The following SLC9A8 variants were observed in gnomAD, a reference collection of about 807,000 sequenced individuals.
SLC9A8 encodes sodium/hydrogen exchanger 8.
Under a neutral mutation model 66.6 loss-of-function variants are expected in SLC9A8, and 48 were observed. The observed-to-expected ratio is 0.72, with a 90% confidence interval of 0.57 to 0.92. The LOEUF is 0.92. Ranked by LOEUF, SLC9A8 falls within the 40% of genes least tolerant of loss-of-function variation. SLC9A8 has a pLI of 0.00. For synonymous variants in SLC9A8, 274 were observed against 282.6 expected, an observed-to-expected ratio of 0.97 and a Z score of 0.31; for missense variants, 599 against 747.3, an observed-to-expected ratio of 0.80 and a Z score of 2.31.
At chr20:49,830,877 C>T in intron 3 of SLC9A8, 1 of 1,336,960 alleles carries the variant, frequency 7.5e-7, no homozygotes, top group Non-Finnish European at 1.1e-6. Flanking sequence ...CTTCCTAGAC[C>T]AGAAGTGCCA....
chr20:49,880,021 G>A (rs576524472), intron 12 of SLC9A8, among the ~76,000 whole-genome samples: 27 of 152,184 alleles, frequency 1.8e-4, no homozygotes, highest in African/African-American at 6.3e-4. Flanking sequence ...AGCACTTTGG[G>A]AGGCAAAGGC....
At chr20:49,870,018 A>T (rs1401366176) in intron 10 of SLC9A8, among the ~76,000 whole-genome samples, 1 of 152,180 alleles carries the variant, frequency 6.6e-6, no homozygotes, top group Non-Finnish European at 1.5e-5. Context: ...GTCCATTTGC[A>T]CTATGGAATC....
intron 3 of SLC9A8, chr20:49,830,195 C>A: frequency 1.3e-6 from 1 of 796,268 alleles, no homozygotes. Context: ...GGGCAGCTGA[C>A]AGCACGGCCG....
chr20:49,838,315 C>T (rs967976457), intron 3 of SLC9A8, among the ~76,000 whole-genome samples: 1 of 152,154 alleles, frequency 6.6e-6, no homozygotes, highest in Non-Finnish European at 1.5e-5. Flanking sequence ...AATGTAATTA[C>T]AACCTGAAAA....
intron 3 of SLC9A8, among the ~76,000 whole-genome samples, chr20:49,837,118 A>G (rs1285739325): frequency 6.6e-6 from 1 of 152,194 alleles, no homozygotes; most frequent in East Asian, 1.9e-4. Context: ...GGAAAGGCTA[A>G]TCAGAAACTC....
chr20:49,832,956 A>G (rs2087271217), intron 3 of SLC9A8, among the ~76,000 whole-genome samples: 1 of 151,120 alleles, frequency 6.6e-6, no homozygotes, highest in Non-Finnish European at 1.5e-5. Flanking sequence ...CCCAGGCTGG[A>G]GTGCAATGGC....
chr20:49,873,771 C>CAA (rs35613935), intron 10 of SLC9A8, among the ~76,000 whole-genome samples: 1,541 of 59,858 alleles, frequency 0.026, 30 homozygotes, highest in Non-Finnish European at 0.033. Flanking sequence ...AACTCCGTCT[C>CAA]AAAAAAAAAA....
chr20:49,878,136 T>C, intron 12 of SLC9A8, 73 bp downstream of exon 12: 3 of 907,752 alleles, frequency 3.3e-6, no homozygotes, highest in Non-Finnish European at 4.9e-6. Context: ...TCCGGATTCA[T>C]TTATGTAACT....
rs766571351 is a variant in SLC9A8 at position 49,887,938 on chromosome 20, G to A, written c.*2G>A. ...GACGACGAGCAGGAGCTGCTCTGAC[G>A]CCAGGTGCCAAGGCTTCAGGCAGGC... On this transcript the variant is annotated 3_prime_UTR_variant, in exon 16 of 16. Transcript: ENST00000361573. 1.6e-5 allele frequency: 25 copies of A among 1,611,804 alleles called. No homozygotes were observed. Among genetic ancestry groups the A allele is most frequent in the African/African-American group, 5.3e-5 (4 of 74,910 alleles).
At chr20:49,828,973 A>G (rs1014184769) in intron 3 of SLC9A8, among the ~76,000 whole-genome samples, 2 of 150,860 alleles carry the variant, frequency 1.3e-5, no homozygotes, top group Non-Finnish European at 2.9e-5. Context: ...GTGCAAATAC[A>G]TAGGTGTGTG....
chr20:49,835,002 T>A (rs2087471004), intron 3 of SLC9A8, among the ~76,000 whole-genome samples: 1 of 152,228 alleles, frequency 6.6e-6, no homozygotes, highest in Non-Finnish European at 1.5e-5. Context: ...GCCCACTATG[T>A]TGGCAGAAAT....
chr20:49,832,209 G>A (rs1250932936), intron 3 of SLC9A8, among the ~76,000 whole-genome samples: 1 of 152,036 alleles, frequency 6.6e-6, no homozygotes, highest in African/African-American at 2.4e-5. Flanking sequence ...TCCCTTCTTT[G>A]GCCCAGACCC....
intron 8 of SLC9A8, among the ~76,000 whole-genome samples, chr20:49,857,879 A>G (rs1478435940): frequency 1.3e-5 from 2 of 152,152 alleles, no homozygotes; most frequent in African/African-American, 4.8e-5. Flanking sequence ...AGCTTACCAA[A>G]TACTGCCTGA....
chr20:49,848,760 A>C (rs960318770), intron 5 of SLC9A8, among the ~76,000 whole-genome samples: 3 of 152,154 alleles, frequency 2.0e-5, no homozygotes, highest in Non-Finnish European at 4.4e-5. Flanking sequence ...TGTTTAAAAG[A>C]CCTGGCCAGG....
chr20:49,833,117 G>A (rs2087281127), intron 3 of SLC9A8, among the ~76,000 whole-genome samples: 1 of 152,090 alleles, frequency 6.6e-6, no homozygotes, highest in Non-Finnish European at 1.5e-5. Context: ...TGTTGGCCAG[G>A]CTGGTCTCGA....
chr20:49,835,208 G>A (rs1223397079), intron 3 of SLC9A8, among the ~76,000 whole-genome samples: 1 of 148,652 alleles, frequency 6.7e-6, no homozygotes, highest in African/African-American at 2.5e-5. Context: ...TTTTTTTTGT[G>A]AATGTCTTCC....
At chr20:49,829,154 C>G (rs1174683824) in intron 3 of SLC9A8, 2 of 151,956 alleles carry the variant, frequency 1.3e-5, no homozygotes, top group Non-Finnish European at 2.9e-5. Context: ...TGCTCAGCAA[C>G]TTGATGTGGG....
Position 49,819,599 on chromosome 20 carries a change from C to T in SLC9A8, c.209-3462C>T, listed in dbSNP as rs151073139. Among the ~76,000 whole-genome samples the T allele has an allele frequency of 4.2e-3, 637 of 152,120 alleles. 3 individuals carry two copies. The highest frequency in any genetic ancestry group is 0.015 in the African/African-American group (616 of 41,500). ...AACCACTTTAAAATGTACAGTTCAG[C>T]AGCATCTAGTACATTCACAATGTTG... On this transcript the variant is annotated intron_variant, in intron 2 of 15. Coordinates refer to ENST00000361573, the MANE Select transcript of SLC9A8 (RefSeq NM_015266.3).
intron 11 of SLC9A8, 132 bp from the exon 12 acceptor site, chr20:49,877,849 G>A: frequency 1.7e-6 from 1 of 573,122 alleles, no homozygotes; most frequent in East Asian, 3.0e-5. Context: ...GATATTGGCT[G>A]CAGGATTTTC....
Sources: gnomAD v4.1 joint callset for allele counts (sites outside exome capture counted in the v4.1 genomes callset) on GRCh38, gnomAD v4.1.1 for gene constraint, MANE v1.5 for transcripts, NCBI Gene and HGNC (gene_info 2026-07-23, HGNC 2026-07-21) for gene names.